The following RYR1 variants were observed in gnomAD, a reference collection of about 807,000 sequenced individuals.
RYR1 encodes ryanodine receptor 1, also known as central core disease of muscle.
Under a neutral mutation model 583.5 loss-of-function variants are expected in RYR1, and 342 were observed. The ratio of observed to expected loss-of-function variants is 0.59; its 90% CI spans 0.54 to 0.64. The LOEUF is 0.64. Ranked by LOEUF, RYR1 falls within the 30% of genes least tolerant of loss-of-function variation. RYR1 has a pLI of 0.00. For synonymous variants in RYR1, 2,791 were observed against 2,822.5 expected (o/e 0.99, Z 0.35); for missense variants, 6,032 against 6,917.2 (o/e 0.87, Z 4.54).
chr19:38,533,518 G>A lies in RYR1; in HGVS notation c.11259+782G>A, dbSNP rs1012072272. 4.6e-5 allele frequency among the ~76,000 whole-genome samples: 7 copies of A among 152,268 alleles called. 1 individual carries two copies. In the South Asian group the frequency reaches 1.2e-3, roughly 27 times the overall value. On this transcript the variant is annotated intron_variant, in intron 78 of 105. Coordinates refer to ENST00000359596, the MANE Select transcript of RYR1 (RefSeq NM_000540.3). Reference sequence around the variant, plus strand: ...TATCAAATAAGATCTAAGGCTGGGCGCAGTGGCTCACACTTGTAATTCCAG... The same window carrying A: ...TATCAAATAAGATCTAAGGCTGGGCACAGTGGCTCACACTTGTAATTCCAG...
rs201339536 is a variant in RYR1 at position 38,519,384 on chromosome 19, G to A, written c.10189G>A (p.Glu3397Lys). The A allele has an allele frequency of 1.1e-5, 18 of 1,605,974 alleles. No individual in the cohort carries two copies. The East Asian group carries it at 2.5e-4, about 22-fold the overall frequency. The stretch of plus-strand genomic sequence containing the variant: ...GGAGGGCGAGCTGCTGGTGCGGGAC[G>A]AGTTCTCTGTGCTCTGCCGGGACCT... ...AQEGELLVRDEFSVLCRDLYA... is the reference protein window; with the variant it reads ...AQEGELLVRDKFSVLCRDLYA... The change falls in exon 67 of 106, where the codon GAG (glutamate) becomes AAG (lysine). Residue 3397 changes from glutamate to lysine, a missense_variant. Transcript: ENST00000359596.
chr19:38,486,612 A>G (rs1969311791), intron 34 of RYR1, among the ~76,000 whole-genome samples: 1 of 152,146 alleles, frequency 6.6e-6, no homozygotes, highest in Admixed American at 6.5e-5. Context: ...AAGTGCTGGG[A>G]TTACAGGCGT....
intron 28 of RYR1, among the ~76,000 whole-genome samples, chr19:38,474,978 G>T (rs185301253): frequency 6.6e-6 from 1 of 152,268 alleles, no homozygotes; most frequent in East Asian, 1.9e-4. Flanking sequence ...ACAAAACAGT[G>T]CCGCACAATG....
rs1970336071 is a variant in RYR1, at chr19:38,504,241, C to T, written c.7948C>T (p.Arg2650Cys). Residue 2650 changes from arginine (R) to cysteine (C), a missense_variant, in exon 50 of 106, where the codon CGC becomes TGC. Physicochemically the swap from Arg to Cys is radical, Grantham distance 180 (BLOSUM62 -3). Coordinates refer to ENST00000359596, the MANE Select transcript of RYR1 (RefSeq NM_000540.3). ...CCAGCTCCTCACCAACCACTATGAG[C>T]GCTGTTGGAAGTACTACTGCCTACC... The part of the protein sequence containing the change: ...PLKLLTNHYE[R>C]CWKYYCLPTG... 5 of 1,613,822 alleles carry T rather than the reference C, an allele frequency of 3.1e-6. No homozygotes were observed. Among genetic ancestry groups the T allele is most frequent in the Non-Finnish European group, 4.2e-6 (5 of 1,179,904 alleles).
At chr19:38,437,873 A>G (rs1458078700) in intron 1 of RYR1, among the ~76,000 whole-genome samples, 2 of 151,596 alleles carry the variant, frequency 1.3e-5, no homozygotes, top group African/African-American at 4.9e-5. Flanking sequence ...CTGCAGTCAT[A>G]GCTTCTCAGG....
At position 38,573,399 on chromosome 19, in the gene RYR1, G is replaced by A. The variant is rs959342878; in HGVS notation, c.14129+92G>A. 3.1e-5 allele frequency: 46 copies of A among 1,507,244 alleles called. No individual in the cohort carries two copies. The South Asian group carries it at 4.4e-4, about 14-fold the overall frequency. 93.4% of individuals were successfully genotyped at this position (1,507,244 alleles called of 1,614,324 possible). A position where few individuals can be genotyped will look rare whatever the true frequency, so the allele number is the denominator to read the frequency against. ...CTGGACCCCAAAAAACTAGGGTTTC[G>A]GTCCGGGCACGGTGGCTCACACCTG... On this transcript the variant is annotated intron_variant, in intron 96 of 105. Transcript: ENST00000359596.
At chr19:38,583,355 T>G (rs765752125) in intron 101 of RYR1, among the ~76,000 whole-genome samples, 53 of 149,482 alleles carry the variant, frequency 3.5e-4, no homozygotes, top group Non-Finnish European at 6.8e-4. Flanking sequence ...GACACGCACC[T>G]GTATTCCCGA....
At chr19:38,475,222 A>T (rs1180836430) in intron 28 of RYR1, 96 bp from the exon 29 acceptor site, 1 of 1,500,208 alleles carries the variant, frequency 6.7e-7, no homozygotes, top group Non-Finnish European at 9.0e-7. Context: ...TATTAGAAGC[A>T]GGGTGTATCC....
chr19:38,563,522 C>T (rs1016072355), intron 90 of RYR1, among the ~76,000 whole-genome samples: 1 of 152,242 alleles, frequency 6.6e-6, no homozygotes, highest in African/African-American at 2.4e-5. Flanking sequence ...GCCTCGGCCT[C>T]CCAAAGTGTT....
chr19:38,575,111 G>T (rs1236390934), intron 96 of RYR1, among the ~76,000 whole-genome samples: 2 of 151,946 alleles, frequency 1.3e-5, no homozygotes, highest in Non-Finnish European at 2.9e-5. Context: ...TTGGAAAACT[G>T]GTGAATAAAG....
In RYR1 at chr19:38,514,500, C is replaced by T. The variant is rs1406970126; in HGVS notation, c.9473-526C>T. 3.3e-5 allele frequency among the ~76,000 whole-genome samples: 5 copies of T among 151,702 alleles called. No homozygotes were observed. In the South Asian group the frequency reaches 1.0e-3, roughly 32 times the overall value. On this transcript the variant is annotated intron_variant, in intron 63 of 105. Transcript: ENST00000359596. ...TTCACCATGTTGCCCAGGCTGGTCTCGAACTCCTGACCTCAGGTGATCCGT... is the reference window on the plus strand; with the variant it reads ...TTCACCATGTTGCCCAGGCTGGTCTTGAACTCCTGACCTCAGGTGATCCGT...
At chr19:38,527,621 C>T (rs781509904) in intron 72 of RYR1, 26 bp from the exon 73 acceptor site, 4 of 1,613,550 alleles carry the variant, frequency 2.5e-6, no homozygotes, top group Non-Finnish European at 2.5e-6. Context: ...TCCCTCACGC[C>T]GGCCACTCCT....
chr19:38,485,464 G>T (rs2145540914), intron 33 of RYR1, 126 bp from the exon 34 acceptor site: 1 of 1,326,094 alleles, frequency 7.5e-7, no homozygotes, highest in South Asian at 1.2e-5. Flanking sequence ...AATGGTAGGG[G>T]TTTGAAGGAA....
intron 3 of RYR1, among the ~76,000 whole-genome samples, chr19:38,442,814 C>A (rs78161631): frequency 6.6e-6 from 1 of 152,048 alleles, no homozygotes; most frequent in Admixed American, 6.6e-5. Context: ...CCCCTGTCCC[C>A]GACGCCTGCT....
Position 38,520,693 on chromosome 19 carries a change from C to CAAAAA in RYR1, c.10259+1261_10259+1265dup, listed in dbSNP as rs71165555. On this transcript the variant is annotated intron_variant, in intron 67 of 105. Transcript: ENST00000359596. ...CTAGGAACAGAGCGAGGCTCCACCT[C>CAAAAA]AAAAAAAAAAAAAAAAAAAAAAAAA... Among the ~76,000 whole-genome samples the CAAAAA allele has an allele frequency of 1.0e-3, 48 of 46,894 alleles. 1 individual carries two copies. The highest frequency in any genetic ancestry group is 1.3e-3 in the East Asian group (1 of 772). The allele number at this position is 46,894 out of a possible 152,430, so 30.8% of individuals were successfully genotyped here.
intron 63 of RYR1, among the ~76,000 whole-genome samples, chr19:38,513,129 G>A (rs1262448713): frequency 6.6e-6 from 1 of 152,338 alleles, no homozygotes; most frequent in East Asian, 1.9e-4. Context: ...CCTGAGCTCA[G>A]GAGTTCAAGA....
intron 5 of RYR1, 52 bp downstream of exon 5, chr19:38,443,848 CA>C (rs1478092255): frequency 6.5e-7 from 1 of 1,548,224 alleles, no homozygotes; most frequent in African/African-American, 1.4e-5. Flanking sequence ...AGCAGGGATT[CA>C]GGGGGTAGAA....
chr19:38,484,737 A>T (rs187781937), intron 33 of RYR1, among the ~76,000 whole-genome samples: 1 of 151,708 alleles, frequency 6.6e-6, no homozygotes, highest in East Asian at 1.9e-4. Flanking sequence ...GAGGCTGAGG[A>T]GGAGGGAGGG....
chr19:38,446,122 A>AC (rs1972929923), intron 7 of RYR1, among the ~76,000 whole-genome samples: 1 of 152,084 alleles, frequency 6.6e-6, no homozygotes. Flanking sequence ...AGACTCCAAC[A>AC]CCAGTGAACA....
Sources: allele counts gnomAD v4.1 joint callset (sites outside exome capture counted in the v4.1 genomes callset), GRCh38; gene constraint gnomAD v4.1.1; transcripts MANE v1.5; gene names NCBI Gene and HGNC (gene_info 2026-07-23, HGNC 2026-07-21).